ESCO1: variants seen among roughly 807,000 people sequenced by gnomAD.
ESCO1 encodes establishment of sister chromatid cohesion N-acetyltransferase 1.
Under a neutral mutation model 83.5 loss-of-function variants are expected in ESCO1, and 33 were observed. That is an observed-to-expected ratio of 0.40 (90% CI 0.30 to 0.53). The LOEUF (loss-of-function observed/expected upper bound fraction) is 0.53. Among genes scored for constraint, ESCO1 ranks in the 20% least tolerant of loss-of-function variants. The pLI, the probability that ESCO1 is intolerant of heterozygous loss-of-function variation, is 0.63. For synonymous variants in ESCO1, 332 were observed against 324.3 expected, an observed-to-expected ratio of 1.02 and a Z score of -0.25; for missense variants, 855 against 968.0, an observed-to-expected ratio of 0.88 and a Z score of 1.55.
intron 1 of ESCO1, among the ~76,000 whole-genome samples, chr18:21,590,499 C>T (rs994305580): frequency 1.3e-5 from 2 of 152,080 alleles, no homozygotes; most frequent in African/African-American, 4.8e-5. Flanking sequence ...GGAATACAGG[C>T]ATGAGCCACC....
At chr18:21,560,014 T>C (rs1404568489) in intron 8 of ESCO1, among the ~76,000 whole-genome samples, 1 of 152,216 alleles carries the variant, frequency 6.6e-6, no homozygotes, top group East Asian at 1.9e-4. Context: ...CTTTAAATAA[T>C]CTAGTATCTG....
At chr18:21,576,862 G>A (rs998998379) in intron 2 of ESCO1, among the ~76,000 whole-genome samples, 6 of 151,894 alleles carry the variant, frequency 4.0e-5, no homozygotes, top group East Asian at 3.9e-4. Context: ...ATGAAACCCC[G>A]TCTCTACTAA....
chr18:21,583,727 A>C (rs1263244338), intron 2 of ESCO1, among the ~76,000 whole-genome samples: 1 of 152,204 alleles, frequency 6.6e-6, no homozygotes, highest in Non-Finnish European at 1.5e-5. Flanking sequence ...CCTGGGATGA[A>C]GAGTGGAGAG....
chr18:21,554,210 A>G (rs1376336119), intron 8 of ESCO1, among the ~76,000 whole-genome samples: 1 of 152,246 alleles, frequency 6.6e-6, no homozygotes, highest in Non-Finnish European at 1.5e-5. Context: ...AAAAGAATAC[A>G]GCAACTTTGG....
rs1455217724 is a variant in ESCO1 at position 21,532,631 on chromosome 18, TG to T, written c.2216del (p.Pro739GlnfsTer39). 6.2e-7 allele frequency: 1 copy of T among 1,614,114 alleles called. No homozygotes were observed. The highest frequency in any genetic ancestry group is 8.5e-7 in the Non-Finnish European group (1 of 1,179,994). ...CTTTTTCTTCTTCTGACCTGATAAC[TG>T]GAAGTTTCTCTTCTATAACTCTGTA... ...WGYRVIEEKL[P>X]VIRSEEEKVR... On this transcript the variant is annotated frameshift_variant, in exon 11 of 12. Transcript: ENST00000269214. LOFTEE classifies it high-confidence loss of function.
intron 8 of ESCO1, among the ~76,000 whole-genome samples, chr18:21,548,371 T>C (rs984205084): frequency 2.0e-5 from 3 of 151,990 alleles, no homozygotes; most frequent in Admixed American, 1.3e-4. Context: ...GGCACATGCC[T>C]GTAGTCTCAG....
At chr18:21,545,316 G>A (rs570489152) in intron 8 of ESCO1, among the ~76,000 whole-genome samples, 3 of 152,312 alleles carry the variant, frequency 2.0e-5, no homozygotes, top group African/African-American at 7.2e-5. Context: ...GCTCATGCCT[G>A]TAATCCCAGC....
chr18:21,589,947 C>A (rs1338404775), intron 1 of ESCO1, among the ~76,000 whole-genome samples: 1 of 151,934 alleles, frequency 6.6e-6, no homozygotes, highest in African/African-American at 2.4e-5. Context: ...CCTGCCTTAG[C>A]CTCCCGAGTA....
intron 8 of ESCO1, among the ~76,000 whole-genome samples, chr18:21,542,277 C>A (rs1247652456): frequency 6.6e-6 from 1 of 152,176 alleles, no homozygotes; most frequent in Non-Finnish European, 1.5e-5. Context: ...CTTCAAACTC[C>A]TGGGGCTCAA....
intron 8 of ESCO1, among the ~76,000 whole-genome samples, chr18:21,543,844 T>G (rs1308081515): frequency 6.6e-6 from 1 of 152,134 alleles, no homozygotes; most frequent in Non-Finnish European, 1.5e-5. Flanking sequence ...AAACCCTAAT[T>G]CAAACAAATA....
In ESCO1 at chr18:21,533,984, T is replaced by C. The variant is rs73425796; in HGVS notation, c.2188-1324A>G. Among the ~76,000 whole-genome samples, 1,222 of 152,206 alleles carry C rather than the reference T, an allele frequency of 8.0e-3. 20 individuals are homozygous for C. Among genetic ancestry groups the C allele is most frequent in the African/African-American group, 0.028 (1,176 of 41,528 alleles). On this transcript the variant is annotated intron_variant, in intron 10 of 11. Transcript: ENST00000269214. ...CAGTGGCTATTCACAGACACAAACA[T>C]AGCACCCTACAACCTCAAACTCCTG...
intron 8 of ESCO1, among the ~76,000 whole-genome samples, chr18:21,555,697 G>A (rs931354002): frequency 6.6e-6 from 1 of 152,118 alleles, no homozygotes; most frequent in African/African-American, 2.4e-5. Flanking sequence ...AGCTGCTCAG[G>A]ATGGTGAGGC....
chr18:21,590,053 T>C (rs1429573588), intron 1 of ESCO1, among the ~76,000 whole-genome samples: 1 of 151,734 alleles, frequency 6.6e-6, no homozygotes, highest in East Asian at 2.0e-4. Context: ...CGTCTCGATC[T>C]CCTGACCTCG....
intron 9 of ESCO1, among the ~76,000 whole-genome samples, chr18:21,536,436 A>T (rs540220957): frequency 7.2e-5 from 11 of 151,980 alleles, no homozygotes; most frequent in African/African-American, 2.7e-4. Context: ...CTAAAATATT[A>T]AAAAATTAGC....
intron 7 of ESCO1, among the ~76,000 whole-genome samples, chr18:21,563,074 T>C (rs1019853200): frequency 7.9e-5 from 12 of 151,896 alleles, no homozygotes; most frequent in Non-Finnish European, 1.8e-4. Flanking sequence ...TTTCTCGGTG[T>C]TGGTCAGGCT....
At chr18:21,559,988 G>A (rs541745711) in intron 8 of ESCO1, among the ~76,000 whole-genome samples, 1 of 151,810 alleles carries the variant, frequency 6.6e-6, no homozygotes, top group Non-Finnish European at 1.5e-5. Flanking sequence ...TGAATTTAAC[G>A]GAGGCCAATA....
rs574367339 is a variant in ESCO1 at position 21,589,719 on chromosome 18, C to T, written c.-824-5279G>A. Among the ~76,000 whole-genome samples the T allele has an allele frequency of 2.4e-4, 36 of 152,302 alleles. No homozygotes were observed. The East Asian group carries it at 6.8e-3, about 29-fold the overall frequency. ...AGAGTAAGTTCTCAGCAATACTTAG[C>T]TCGAAGATGGCACAAAGCAAAGACG... On this transcript the variant is annotated intron_variant, in intron 1 of 11. Transcript: ENST00000269214.
chr18:21,595,085 G>A lies in ESCO1; in HGVS notation c.-825+5538C>T, dbSNP rs548100933. Among the ~76,000 whole-genome samples the A allele has an allele frequency of 2.2e-4, 34 of 151,728 alleles. No homozygotes were observed. In the South Asian group the frequency reaches 3.8e-3, roughly 17 times the overall value. On this transcript the variant is annotated intron_variant, in intron 1 of 11. Coordinates refer to ENST00000269214, the MANE Select transcript of ESCO1 (RefSeq NM_052911.3). ...TGGTCTCGAACTCCTGGGTTCAAGC[G>A]ATCCACCTGCCTCGGCCTCCCAAGG...
chr18:21,567,944 G>C, intron 5 of ESCO1, 36 bp downstream of exon 5: 1 of 1,488,912 alleles, frequency 6.7e-7, no homozygotes, highest in Middle Eastern at 1.8e-4. Flanking sequence ...TGTCACTGAA[G>C]ACTATGAAAT....
Sources: gnomAD v4.1 joint callset for allele counts (sites outside exome capture counted in the v4.1 genomes callset) on GRCh38, gnomAD v4.1.1 for gene constraint, MANE v1.5 for transcripts, NCBI Gene and HGNC (gene_info 2026-07-23, HGNC 2026-07-21) for gene names.